Variants in SOX5 observed in about 807,000 individuals in gnomAD.
SOX5 encodes the protein SRY-box transcription factor 5.
In SOX5, 9 loss-of-function variants were observed where a neutral mutation model predicts 92.0. The ratio of observed to expected loss-of-function variants is 0.10; its 90% CI spans 0.06 to 0.17. SOX5 has a LOEUF of 0.17. SOX5 is among the 10% of genes least tolerant of loss of function. The pLI, the probability that SOX5 is intolerant of heterozygous loss-of-function variation, is 1.00. For synonymous variants in SOX5, 344 were observed against 336.3 expected, an observed-to-expected ratio of 1.02 and a Z score of -0.25; for missense variants, 642 against 944.5, an observed-to-expected ratio of 0.68 and a Z score of 4.20.
chr12:23,939,058 G>C, intron 1 of SOX5, among the ~76,000 whole-genome samples: 1 of 150,790 alleles, frequency 6.6e-6, no homozygotes, highest in East Asian at 1.9e-4. Context: ...TTTTTTATAA[G>C]CTTAAGCTGG....
intron 4 of SOX5, among the ~76,000 whole-genome samples, chr12:24,105,466 G>T (rs1266526965): frequency 1.3e-5 from 2 of 152,028 alleles, no homozygotes; most frequent in African/African-American, 4.8e-5. Flanking sequence ...ACTTGAACTG[G>T]GTGGGTGGAG....
At chr12:24,118,877 A>G (rs1948336059) in intron 4 of SOX5, among the ~76,000 whole-genome samples, 1 of 152,192 alleles carries the variant, frequency 6.6e-6, no homozygotes. Flanking sequence ...TAATACCAGC[A>G]GTAACTGAGA....
In SOX5 at chr12:23,980,654, A is replaced by G. The variant is rs369754214; in HGVS notation, c.-1-84630T>C. On this transcript the variant is annotated intron_variant, in intron 4 of 4. Coordinates refer to the SOX5 transcript ENST00000446891. ...TTCCCATTTGGCATTTCAGACAGAA[A>G]GAGAGGGGACTCCCTGCTTCTTTCC... 1.4e-4 allele frequency among the ~76,000 whole-genome samples: 22 copies of G among 152,314 alleles called. No individual in the cohort carries two copies. In the South Asian group the frequency reaches 4.1e-3, roughly 29 times the overall value.
Position 23,578,801 on chromosome 12 carries a change from T to C in SOX5, c.1165-2963A>G, listed in dbSNP as rs933022475. ...AGCAATATACTACCTGTTTACTACC[T>C]TCTGTGTGAAACTGACTTCTGTCAT... On this transcript the variant is annotated intron_variant, in intron 9 of 14. Transcript: ENST00000451604. 2.6e-5 allele frequency among the ~76,000 whole-genome samples: 4 copies of C among 152,324 alleles called. No homozygotes were observed. In the South Asian group the frequency reaches 8.3e-4, roughly 32 times the overall value.
chr12:24,261,109 T>C (rs542217944), intron 3 of SOX5, among the ~76,000 whole-genome samples: 2 of 152,298 alleles, frequency 1.3e-5, no homozygotes, highest in South Asian at 2.1e-4. Flanking sequence ...GCTAACTTTA[T>C]CCTTGTCATT....
intron 4 of SOX5, among the ~76,000 whole-genome samples, chr12:23,992,912 A>C (rs560509243): frequency 8.4e-4 from 128 of 152,210 alleles, no homozygotes; most frequent in Non-Finnish European, 1.3e-3. Flanking sequence ...CTACTCAACC[A>C]CTCTATAGTG....
At chr12:24,062,333 A>G (rs1484586522) in intron 4 of SOX5, among the ~76,000 whole-genome samples, 1 of 152,218 alleles carries the variant, frequency 6.6e-6, no homozygotes, top group Non-Finnish European at 1.5e-5. Context: ...TGGTTTCAGC[A>G]AAGTTGATCT....
At chr12:24,000,133 A>G (rs59300148) in intron 4 of SOX5, among the ~76,000 whole-genome samples, 2,322 of 151,036 alleles carry the variant, frequency 0.015, 53 homozygotes, top group African/African-American at 0.054. Context: ...TATATAATAC[A>G]TAAATATCAT....
chr12:24,015,162 A>C (rs948443727), intron 4 of SOX5, among the ~76,000 whole-genome samples: 1 of 151,924 alleles, frequency 6.6e-6, no homozygotes, highest in Non-Finnish European at 1.5e-5. Context: ...GAACTGAGCC[A>C]AGGAAACAAA....
chr12:24,542,158 C>T (rs1952190884), intron 1 of SOX5, among the ~76,000 whole-genome samples: 2 of 152,186 alleles, frequency 1.3e-5, no homozygotes, highest in Admixed American at 1.3e-4. Context: ...CCAACCTCAA[C>T]CTTCACAGCC....
chr12:24,028,899 G>A (rs946333829), intron 4 of SOX5, among the ~76,000 whole-genome samples: 1 of 152,116 alleles, frequency 6.6e-6, no homozygotes, highest in Middle Eastern at 3.4e-3. Flanking sequence ...AAAACAGTAA[G>A]AGAAAGGACA....
intron 1 of SOX5, among the ~76,000 whole-genome samples, chr12:24,482,502 T>C (rs1432380496): frequency 2.6e-5 from 4 of 152,230 alleles, no homozygotes; most frequent in Non-Finnish European, 4.4e-5. Flanking sequence ...AGTGTAAAGA[T>C]GTAGTTGTTG....
At chr12:24,077,696 G>A (rs1283127073) in intron 4 of SOX5, among the ~76,000 whole-genome samples, 8 of 150,112 alleles carry the variant, frequency 5.3e-5, no homozygotes, top group Non-Finnish European at 7.4e-5. Context: ...AAGTCCACAC[G>A]AGACTGAAAC....
intron 8 of SOX5, among the ~76,000 whole-genome samples, chr12:23,620,072 A>G (rs2076996949): frequency 1.3e-5 from 2 of 152,152 alleles, no homozygotes; most frequent in African/African-American, 4.8e-5. Flanking sequence ...GAGCTACACT[A>G]CAGGCAGGCA....
Position 24,080,398 on chromosome 12 carries a change from A to G in SOX5, c.-2+132945T>C, listed in dbSNP as rs74722408. Among the ~76,000 whole-genome samples the G allele has an allele frequency of 6.0e-3, 910 of 152,206 alleles. 8 individuals carry two copies. The highest frequency in any genetic ancestry group is 0.033 in the South Asian group (158 of 4,832). ...GACATTAACTAAGTGCCACAATGTTATCTCCTACAATGATATATCTCTTAA... is the reference window on the plus strand; with the variant it reads ...GACATTAACTAAGTGCCACAATGTTGTCTCCTACAATGATATATCTCTTAA... On this transcript the variant is annotated intron_variant, in intron 4 of 4. Transcript: ENST00000446891.
At chr12:23,548,141 G>A (rs943955126) in intron 11 of SOX5, among the ~76,000 whole-genome samples, 3 of 152,036 alleles carry the variant, frequency 2.0e-5, no homozygotes, top group African/African-American at 7.2e-5. Context: ...TGATTTAACA[G>A]TATAGGGCAA....
At chr12:23,863,793 TACACACACACACAC>T (rs71059936) in intron 2 of SOX5, among the ~76,000 whole-genome samples, 35,689 of 145,748 alleles carry the variant, frequency 0.24, 4,640 homozygotes, top group Middle Eastern at 0.33. Context: ...TTAAACACAC[TACACACACACACAC>T]ACACACACAC....
chr12:23,799,360 T>G (rs1240150725), intron 3 of SOX5, among the ~76,000 whole-genome samples: 2 of 152,102 alleles, frequency 1.3e-5, no homozygotes, highest in Admixed American at 6.6e-5. Context: ...TGAATTATCT[T>G]AAAATGATAA....
intron 4 of SOX5, among the ~76,000 whole-genome samples, chr12:23,748,239 A>G (rs2094061612): frequency 6.6e-6 from 1 of 152,048 alleles, no homozygotes; most frequent in African/African-American, 2.4e-5. Flanking sequence ...TCCAGTATCT[A>G]TAGAATAATA....
Sources: allele counts gnomAD v4.1 joint callset (sites outside exome capture counted in the v4.1 genomes callset), GRCh38; gene constraint gnomAD v4.1.1; transcripts MANE v1.5; gene names NCBI Gene and HGNC (gene_info 2026-07-23, HGNC 2026-07-21).